Variants in SLC28A2 observed in about 807,000 individuals in gnomAD.
The protein encoded by SLC28A2 is solute carrier family 28 member 2, also known as sodium/nucleoside cotransporter 2.
In SLC28A2, 69 loss-of-function variants were observed where a neutral mutation model predicts 72.9. That is an observed-to-expected ratio of 0.95 (90% CI 0.78 to 1.16). SLC28A2 has a LOEUF of 1.16. Among genes scored for constraint, SLC28A2 ranks in the 50% most tolerant of loss-of-function variants. The pLI is 0.00. For missense variants in SLC28A2, 745 were observed against 791.1 expected (o/e 0.94, Z 0.70); for synonymous variants, 296 against 294.1 (o/e 1.01, Z -0.07).
chr15:45,255,096 T>A (rs1595669982), intron 3 of SLC28A2: 1 of 151,768 alleles, frequency 6.6e-6, no homozygotes, highest in African/African-American at 2.4e-5. Context: ...TCTACAAAAA[T>A]TTTTAAAAAT....
At chr15:45,254,698 G>A (rs1477286365) in intron 3 of SLC28A2, among the ~76,000 whole-genome samples, 1 of 152,124 alleles carries the variant, frequency 6.6e-6, no homozygotes, top group African/African-American at 2.4e-5. Flanking sequence ...CAAACAAAAG[G>A]TTATTTTTAT....
chr15:45,274,141 G>A (rs1370664236), intron 17 of SLC28A2, among the ~76,000 whole-genome samples: 1 of 152,116 alleles, frequency 6.6e-6, no homozygotes, highest in South Asian at 2.1e-4. Flanking sequence ...GGACCACCCT[G>A]TGAAGGTACT....
intron 10 of SLC28A2, among the ~76,000 whole-genome samples, chr15:45,266,377 G>A (rs1900337227): frequency 6.6e-6 from 1 of 152,136 alleles, no homozygotes; most frequent in South Asian, 2.1e-4. Flanking sequence ...TTAATCTGGA[G>A]GGATAGCCTT....
At chr15:45,265,503 T>C (rs1900303593) in intron 8 of SLC28A2, 80 bp from the exon 9 acceptor site, 12 of 964,600 alleles carry the variant, frequency 1.2e-5, no homozygotes, top group Non-Finnish European at 2.0e-5. Context: ...ACCCTTGGAA[T>C]GCTAAGAGCT....
At chr15:45,253,769 G>C (rs1899886565) in intron 3 of SLC28A2, 1 of 340,132 alleles carries the variant, frequency 2.9e-6, no homozygotes, top group East Asian at 5.1e-5. Flanking sequence ...CAGATTTTGA[G>C]TGTATACTTA....
Position 45,267,675 on chromosome 15 carries a change from T to C in SLC28A2, c.1078T>C (p.Ser360Pro). 6.2e-7 allele frequency: 1 copy of C among 1,614,112 alleles called. No individual in the cohort carries two copies. Among genetic ancestry groups the C allele is most frequent in the Non-Finnish European group, 8.5e-7 (1 of 1,180,016 alleles). The change falls in exon 12 of 18, where the codon TCA (serine) becomes CCA (proline). Residue 360 changes from serine (S) to proline (P), a missense_variant. Physicochemically the swap from Ser to Pro is moderately conservative, Grantham distance 74. Transcript: ENST00000347644. ...GAFIAFGVDA[S>P]SLISASVMAA... is the part of the protein sequence containing the mutation. ...GTCTGGCGCCTCACAGGTTGATGCATCATCCCTGATTTCTGCCTCTGTGAT... is the reference window on the plus strand; with the variant it reads ...GTCTGGCGCCTCACAGGTTGATGCACCATCCCTGATTTCTGCCTCTGTGAT...
intron 16 of SLC28A2, 43 bp downstream of exon 16, chr15:45,272,436 G>C (rs758142735): frequency 1.4e-6 from 2 of 1,439,594 alleles, no homozygotes; most frequent in African/African-American, 2.8e-5. Flanking sequence ...GCATGAGGGT[G>C]ATGGTTGGAG....
In SLC28A2 at chr15:45,277,143, C is replaced by T. The variant is rs76276769; in HGVS notation, c.*1630C>T. On this transcript the variant is annotated 3_prime_UTR_variant, in exon 18 of 18. Transcript: ENST00000347644. The stretch of plus-strand genomic sequence containing the variant: ...CAGCTCTCCCACAACGAAGAATTAC[C>T]TGGTCCCAAACGTCAATTGTGCTGA... The T allele has an allele frequency of 1.9e-4, 29 of 151,926 alleles. No homozygotes were observed. Among genetic ancestry groups the T allele is most frequent in the African/African-American group, 5.8e-4 (24 of 41,468 alleles). The allele number at this position is 151,926 out of a possible 1,614,324, so 9.4% of individuals were successfully genotyped here. A position where few individuals can be genotyped will look rare whatever the true frequency, so the allele number is the denominator to read the frequency against.
chr15:45,254,953 A>C (rs1328950591), intron 3 of SLC28A2, among the ~76,000 whole-genome samples: 2 of 152,132 alleles, frequency 1.3e-5, no homozygotes, highest in Non-Finnish European at 2.9e-5. Context: ...TATGCTAGTA[A>C]ATGTTTAAGA....
At chr15:45,267,848 T>G in intron 12 of SLC28A2, 52 bp downstream of exon 12, 1 of 1,603,704 alleles carries the variant, frequency 6.2e-7, no homozygotes, top group East Asian at 2.2e-5. Context: ...TAGTTAAGAG[T>G]GGCACTGTGG....
chr15:45,275,253 A>G, intron 17 of SLC28A2, 143 bp from the exon 18 acceptor site: 1 of 636,748 alleles, frequency 1.6e-6, no homozygotes, highest in Non-Finnish European at 2.8e-6. Flanking sequence ...AAGAAACATA[A>G]TTGGGTTCTA....
chr15:45,264,605 GTAATGGAC>G, intron 6 of SLC28A2, 42 bp from the exon 7 acceptor site: 1 of 1,245,928 alleles, frequency 8.0e-7, no homozygotes, highest in Non-Finnish European at 1.2e-6. Context: ...CTCCAACCAG[GTAATGGAC>G]TAGCAGAACT....
chr15:45,275,933 TCAAAAAAAAAAAAA>T lies in SLC28A2; in HGVS notation c.*421_*434del, dbSNP rs1034947931. Reference sequence around the variant, plus strand: ...CTGGGTGACAGAGCGAGACTCTGTCTCAAAAAAAAAAAAAAAAAAAAAGATTCATTTTGGTTCGC... The same window carrying T: ...CTGGGTGACAGAGCGAGACTCTGTCTAAAAAAAAGATTCATTTTGGTTCGC... On this transcript the variant is annotated 3_prime_UTR_variant, in exon 18 of 18. Transcript: ENST00000347644. 6.9e-5 allele frequency: 3 copies of T among 43,346 alleles called. No homozygotes were observed. Among genetic ancestry groups the T allele is most frequent in the African/African-American group, 3.2e-4 (3 of 9,400 alleles). 2.7% of individuals were successfully genotyped at this position (43,346 alleles called of 1,614,324 possible). A position where few individuals can be genotyped will look rare whatever the true frequency, so the allele number is the denominator to read the frequency against.
intron 15 of SLC28A2, 74 bp downstream of exon 15, chr15:45,270,350 C>G (rs1900509090): frequency 4.1e-6 from 4 of 985,784 alleles, no homozygotes; most frequent in Non-Finnish European, 6.6e-6. Context: ...AGTCCTGGTG[C>G]TTCAGTACAA....
chr15:45,262,460 T>A (rs1011997368), intron 4 of SLC28A2, among the ~76,000 whole-genome samples: 23 of 152,218 alleles, frequency 1.5e-4, no homozygotes, highest in African/African-American at 5.3e-4. Flanking sequence ...GCTGGTTTAC[T>A]ACTATATCAT....
At chr15:45,271,457 C>G (rs1900562359) in intron 15 of SLC28A2, among the ~76,000 whole-genome samples, 1 of 151,924 alleles carries the variant, frequency 6.6e-6, no homozygotes, top group African/African-American at 2.4e-5. Context: ...CCTATCTACT[C>G]GGGAGGCTGA....
chr15:45,258,175 A>G (rs764236620), intron 3 of SLC28A2, among the ~76,000 whole-genome samples: 4 of 152,148 alleles, frequency 2.6e-5, no homozygotes, highest in Non-Finnish European at 5.9e-5. Flanking sequence ...ATGAGCCAAG[A>G]TCATGTCATT....
chr15:45,257,412 C>A (rs1900009780), intron 3 of SLC28A2, among the ~76,000 whole-genome samples: 1 of 152,186 alleles, frequency 6.6e-6, no homozygotes, highest in African/African-American at 2.4e-5. Flanking sequence ...AGGGCAAGAT[C>A]AATGTCTATT....
rs1488313334 is a variant in SLC28A2 at position 45,277,307 on chromosome 15, G to C, written c.*1794G>C. 2.0e-5 allele frequency: 3 copies of C among 151,648 alleles called. No homozygotes were observed. The highest frequency in any genetic ancestry group is 7.3e-5 in the African/African-American group (3 of 41,306). 9.4% of individuals were successfully genotyped at this position (151,648 alleles called of 1,614,324 possible). A position where few individuals can be genotyped will look rare whatever the true frequency, so the allele number is the denominator to read the frequency against. ...AAAAGTTAAACACAGAATTACCATA[G>C]AGCCCCACAATTCCACTCCTACATA... On this transcript the variant is annotated 3_prime_UTR_variant, in exon 18 of 18. Transcript: ENST00000347644.
Sources: allele counts gnomAD v4.1 joint callset (sites outside exome capture counted in the v4.1 genomes callset), GRCh38; gene constraint gnomAD v4.1.1; transcripts MANE v1.5; gene names NCBI Gene and HGNC (gene_info 2026-07-23, HGNC 2026-07-21).